The following PHACTR1 variants were observed in gnomAD, a reference collection of about 807,000 sequenced individuals.
The protein encoded by PHACTR1 is phosphatase and actin regulator 1, also known as RPEL repeat containing 1.
PHACTR1 carries 16 observed loss-of-function variants against 69.2 expected under a neutral mutation model. The observed-to-expected ratio is 0.23, with a 90% CI of 0.16 to 0.35. The LOEUF (loss-of-function observed/expected upper bound fraction) is 0.35, where lower values mean the gene tolerates loss of function less well. PHACTR1 is among the 10% of genes least tolerant of loss of function. The pLI is 1.00. For synonymous variants in PHACTR1, 312 were observed against 284.5 expected (o/e 1.10, Z -0.97); for missense variants, 510 against 734.7 (o/e 0.69, Z 3.54).
At chr6:13,005,859 C>T (rs1181560164) in intron 4 of PHACTR1, among the ~76,000 whole-genome samples, 2 of 152,150 alleles carry the variant, frequency 1.3e-5, no homozygotes, top group African/African-American at 4.8e-5. Flanking sequence ...TGCCCCACCC[C>T]ACCCCCCACA....
chr6:12,821,657 G>T (rs1012401785), intron 4 of PHACTR1, among the ~76,000 whole-genome samples: 5 of 152,128 alleles, frequency 3.3e-5, no homozygotes, highest in Admixed American at 1.3e-4. Context: ...AGGATATTTT[G>T]TTGGGAAAAA....
chr6:12,843,797 C>T (rs781726095), intron 4 of PHACTR1, among the ~76,000 whole-genome samples: 18 of 152,154 alleles, frequency 1.2e-4, no homozygotes, highest in Non-Finnish European at 2.5e-4. Flanking sequence ...GGTAGACTAT[C>T]AATCAATAAA....
rs1428965785 is a variant in PHACTR1, at chr6:12,753,966, A to AT, written c.250+4177dup. 2.3e-4 allele frequency among the ~76,000 whole-genome samples: 9 copies of AT among 39,650 alleles called. 1 individual carries two copies. The highest frequency in any genetic ancestry group is 7.3e-4 in the Admixed American group (3 of 4,112). 26.0% of individuals were successfully genotyped at this position (39,650 alleles called of 152,430 possible). On this transcript the variant is annotated intron_variant, in intron 4 of 14. Coordinates refer to ENST00000332995, the MANE Select transcript of PHACTR1 (RefSeq NM_030948.6). The stretch of plus-strand genomic sequence containing the variant: ...TAAATATATATATATATATATATAT[A>AT]TATATTTTTTTTTTGAGACAGAGTC...
intron 5 of PHACTR1, among the ~76,000 whole-genome samples, chr6:13,133,140 A>G (rs1364485916): frequency 6.6e-6 from 1 of 150,964 alleles, no homozygotes; most frequent in Non-Finnish European, 1.5e-5. Context: ...CCCCCGTAAG[A>G]AATCCTAGAT....
intron 4 of PHACTR1, among the ~76,000 whole-genome samples, chr6:12,807,660 C>A (rs1417605112): frequency 1.3e-5 from 2 of 152,206 alleles, no homozygotes; most frequent in African/African-American, 4.8e-5. Flanking sequence ...TCATACCACC[C>A]AGTCTGCCCA....
chr6:12,959,176 C>CAAAA (rs70989814), intron 4 of PHACTR1, among the ~76,000 whole-genome samples: 28 of 45,896 alleles, frequency 6.1e-4, no homozygotes, highest in African/African-American at 1.2e-3. Flanking sequence ...GACTTTATCT[C>CAAAA]AAAAAAAAAA....
At chr6:12,727,235 A>T (rs1380275698) in intron 3 of PHACTR1, among the ~76,000 whole-genome samples, 2 of 152,204 alleles carry the variant, frequency 1.3e-5, no homozygotes. Context: ...TGAAAAAGAC[A>T]GTGAAGGCAG....
At chr6:13,205,786 A>T (rs556981653) in intron 7 of PHACTR1, 29 bp from the exon 8 acceptor site, 1 of 1,549,578 alleles carries the variant, frequency 6.5e-7, no homozygotes, top group African/African-American at 1.4e-5. Flanking sequence ...CCAAACTCAC[A>T]TCTGCCTCTC....
chr6:12,723,875 C>T (rs548782231), intron 3 of PHACTR1, among the ~76,000 whole-genome samples: 1 of 152,280 alleles, frequency 6.6e-6, no homozygotes, highest in Admixed American at 6.5e-5. Context: ...ACTGCCCCCA[C>T]GAGATTCAAA....
At chr6:12,732,073 C>T (rs1166160957) in intron 3 of PHACTR1, among the ~76,000 whole-genome samples, 1 of 151,286 alleles carries the variant, frequency 6.6e-6, no homozygotes, top group Non-Finnish European at 1.5e-5. Context: ...CTTGGAGTTC[C>T]TGGGAGGTGG....
intron 4 of PHACTR1, among the ~76,000 whole-genome samples, chr6:12,785,596 A>G (rs548558823): frequency 1.3e-5 from 2 of 152,314 alleles, no homozygotes; most frequent in Admixed American, 6.5e-5. Context: ...GTAGTTTTGC[A>G]ATGTGTTGGG....
intron 7 of PHACTR1, among the ~76,000 whole-genome samples, chr6:13,199,370 T>G (rs1764868738): frequency 9.7e-6 from 1 of 103,380 alleles, no homozygotes; most frequent in African/African-American, 4.0e-5. Context: ...GGCGACAAAG[T>G]GAGAGTCCAT....
chr6:12,944,913 G>C (rs1790504596), intron 4 of PHACTR1, among the ~76,000 whole-genome samples: 1 of 151,858 alleles, frequency 6.6e-6, no homozygotes, highest in African/African-American at 2.4e-5. Flanking sequence ...CTCCCGAGTA[G>C]CTGGGACTAC....
intron 10 of PHACTR1, among the ~76,000 whole-genome samples, chr6:13,269,133 T>G (rs533692137): frequency 3.4e-5 from 2 of 58,606 alleles, no homozygotes; most frequent in East Asian, 6.4e-4. Context: ...TGGCCTGATC[T>G]CCAAATGTAG....
chr6:12,922,297 T>C (rs1423919719), intron 4 of PHACTR1, among the ~76,000 whole-genome samples: 1 of 152,206 alleles, frequency 6.6e-6, no homozygotes, highest in East Asian at 1.9e-4. Flanking sequence ...GACTGAAGTA[T>C]TGAGGGTAAT....
chr6:12,965,955 C>T (rs1395396483), intron 4 of PHACTR1, among the ~76,000 whole-genome samples: 1 of 152,088 alleles, frequency 6.6e-6, no homozygotes, highest in Non-Finnish European at 1.5e-5. Context: ...ATAAATGGCA[C>T]ACATTTCTAA....
intron 13 of PHACTR1, among the ~76,000 whole-genome samples, chr6:13,284,543 A>AAAAAAAAATATAT (rs1554187813): frequency 1.1e-4 from 7 of 61,348 alleles, no homozygotes; most frequent in African/African-American, 6.4e-4. Context: ...AAAAAAAAAA[A>AAAAAAAAATATAT]ATATATATAT....
chr6:12,809,527 TAAAAC>T (rs879522504), intron 4 of PHACTR1, among the ~76,000 whole-genome samples: 5 of 152,194 alleles, frequency 3.3e-5, no homozygotes, highest in Non-Finnish European at 5.9e-5. Context: ...CTCTAGCAGA[TAAAAC>T]AAAACAAAAC....
chr6:13,250,570 G>A (rs1774250189), intron 10 of PHACTR1, among the ~76,000 whole-genome samples: 1 of 152,208 alleles, frequency 6.6e-6, no homozygotes, highest in African/African-American at 2.4e-5. Flanking sequence ...GACAGACTGA[G>A]AGAAGGAATC....
Sources: allele counts gnomAD v4.1 joint callset (sites outside exome capture counted in the v4.1 genomes callset), GRCh38; gene constraint gnomAD v4.1.1; transcripts MANE v1.5; gene names NCBI Gene and HGNC (gene_info 2026-07-23, HGNC 2026-07-21).